The following HACE1 variants were observed in gnomAD, a reference collection of about 807,000 sequenced individuals.
HACE1 encodes E3 ubiquitin-protein ligase HACE1.
A neutral mutation model predicts 118.4 loss-of-function variants in HACE1; 73 were observed. The ratio of observed to expected loss-of-function variants is 0.62; its 90% CI spans 0.51 to 0.75. The LOEUF (loss-of-function observed/expected upper bound fraction) is 0.75, where lower values mean the gene tolerates loss of function less well. HACE1 is among the 30% of genes least tolerant of loss of function. The pLI, the probability that HACE1 is intolerant of heterozygous loss-of-function variation, is 0.00. For synonymous variants in HACE1, 368 were observed against 374.8 expected (o/e 0.98, Z 0.21); for missense variants, 749 against 1,102.2 (o/e 0.68, Z 4.54).
chr6:104,797,347 C>T lies in HACE1; in HGVS notation c.618-322G>A, dbSNP rs140648577. Among the ~76,000 whole-genome samples the T allele has an allele frequency of 4.1e-3, 624 of 151,022 alleles. 5 individuals carry two copies. The highest frequency in any genetic ancestry group is 5.8e-3 in the Non-Finnish European group (391 of 67,840). ...TTCTTACATTCACTTCCTAATCCCT[C>T]TCTCCACCTTAACTTGACCATTTGC... is the stretch of plus-strand genomic sequence containing the variant. On this transcript the variant is annotated intron_variant, in intron 7 of 23. Transcript: ENST00000262903.
At chr6:104,801,880 G>A (rs1031730195) in intron 7 of HACE1, among the ~76,000 whole-genome samples, 1 of 152,052 alleles carries the variant, frequency 6.6e-6, no homozygotes, top group African/African-American at 2.4e-5. Flanking sequence ...ATGTAAATGG[G>A]CTAAATGCCC....
At chr6:104,844,899 G>C (rs1233378754) in intron 4 of HACE1, among the ~76,000 whole-genome samples, 1 of 149,604 alleles carries the variant, frequency 6.7e-6, no homozygotes, top group Non-Finnish European at 1.5e-5. Context: ...CCTGATCTCA[G>C]GCAATCCGCC....
chr6:104,785,567 G>A, intron 11 of HACE1: 2 of 398,076 alleles, frequency 5.0e-6, no homozygotes, highest in Non-Finnish European at 9.1e-6. Flanking sequence ...GTAATAAAAA[G>A]GAAAAACTAA....
At position 104,771,845 on chromosome 6, in the gene HACE1, C is replaced by T. The variant is rs148042139; in HGVS notation, c.2014+80G>A. 7.1e-5 allele frequency: 68 copies of T among 962,172 alleles called. No individual in the cohort carries two copies. In the East Asian group the frequency reaches 1.7e-3, roughly 24 times the overall value. The allele number at this position is 962,172 out of a possible 1,614,324, so 59.6% of individuals were successfully genotyped here. On this transcript the variant is annotated intron_variant, in intron 18 of 23. Coordinates refer to ENST00000262903, the MANE Select transcript of HACE1 (RefSeq NM_020771.4). Reference sequence around the variant, plus strand: ...AATAAAAATTATCTCATCCAAAATACTACTGCTTATCTAGTTTTCCTCAAA... The same window carrying T: ...AATAAAAATTATCTCATCCAAAATATTACTGCTTATCTAGTTTTCCTCAAA...
At position 104,791,377 on chromosome 6, in the gene HACE1, T is replaced by G. The variant is rs973748155; in HGVS notation, c.1074+127A>C. ...GAGAGGAGAAAGGTGTGCCTAATTTTGAAAGTGATATGGGTATAAACCAAA... is the reference window on the plus strand; with the variant it reads ...GAGAGGAGAAAGGTGTGCCTAATTTGGAAAGTGATATGGGTATAAACCAAA... On this transcript the variant is annotated intron_variant, in intron 11 of 23. Coordinates refer to ENST00000262903, the MANE Select transcript of HACE1 (RefSeq NM_020771.4). 3.8e-6 allele frequency: 3 copies of G among 798,432 alleles called. No homozygotes were observed. In the East Asian group the frequency reaches 7.4e-5, roughly 20 times the overall value. 49.5% of individuals were successfully genotyped at this position (798,432 alleles called of 1,614,324 possible). A position where few individuals can be genotyped will look rare whatever the true frequency, so the allele number is the denominator to read the frequency against.
At chr6:104,796,836 T>C (rs1055714932) in intron 8 of HACE1, 80 bp from the exon 9 acceptor site, 12 of 1,081,860 alleles carry the variant, frequency 1.1e-5, no homozygotes, top group Non-Finnish European at 1.7e-5. Flanking sequence ...TAAAAATCTT[T>C]GCACCTACCC....
Position 104,774,080 on chromosome 6 carries a change from C to CTTT in HACE1, c.1865-2009_1865-2007dup, listed in dbSNP as rs540039211. Among the ~76,000 whole-genome samples, 31 of 74,854 alleles carry CTTT rather than the reference C, an allele frequency of 4.1e-4. 1 individual carries two copies. The highest frequency in any genetic ancestry group is 6.2e-4 in the Non-Finnish European group (27 of 43,324). 49.1% of individuals were successfully genotyped at this position (74,854 alleles called of 152,430 possible). A position where few individuals can be genotyped will look rare whatever the true frequency, so the allele number is the denominator to read the frequency against. Reference sequence around the variant, plus strand: ...CAAAAAATAGGTTATCATCTTTTCTCTTTTTTTTTTTTTTTTTTTTTTTTT... The same window carrying CTTT: ...CAAAAAATAGGTTATCATCTTTTCTCTTTTTTTTTTTTTTTTTTTTTTTTTTTT... On this transcript the variant is annotated intron_variant, in intron 17 of 23. Coordinates refer to ENST00000262903, the MANE Select transcript of HACE1 (RefSeq NM_020771.4).
chr6:104,734,530 T>G (rs1167471540), intron 22 of HACE1, among the ~76,000 whole-genome samples: 1 of 152,216 alleles, frequency 6.6e-6, no homozygotes, highest in Non-Finnish European at 1.5e-5. Flanking sequence ...TAAAACTTTC[T>G]CAGTTTGAAC....
In HACE1 at chr6:104,759,435, G is replaced by A. The variant is rs146627302; in HGVS notation, c.2212-8963C>T. 2.6e-3 allele frequency among the ~76,000 whole-genome samples: 396 copies of A among 152,242 alleles called. 2 individuals are homozygous for A. Among genetic ancestry groups the A allele is most frequent in the Non-Finnish European group, 4.0e-3 (271 of 68,020 alleles). On this transcript the variant is annotated intron_variant, in intron 19 of 23. Transcript: ENST00000262903. ...CAACTAAATGGAAACTGAACAACGCGCTCCTGAATGACTACAGGGTAAATA... is the reference window on the plus strand; with the variant it reads ...CAACTAAATGGAAACTGAACAACGCACTCCTGAATGACTACAGGGTAAATA...
chr6:104,732,546 G>A (rs1474233349), intron 22 of HACE1, among the ~76,000 whole-genome samples: 3 of 152,262 alleles, frequency 2.0e-5, no homozygotes, highest in African/African-American at 7.2e-5. Flanking sequence ...TGGGAAAGGA[G>A]GAGGGGGAGT....
chr6:104,737,520 C>T (rs1158886210), intron 22 of HACE1, among the ~76,000 whole-genome samples: 11 of 152,084 alleles, frequency 7.2e-5, no homozygotes, highest in South Asian at 2.1e-4. Context: ...ACTTGGGAAG[C>T]GCAAGGGGTC....
intron 19 of HACE1, among the ~76,000 whole-genome samples, chr6:104,765,676 A>G (rs1213305526): frequency 6.6e-6 from 1 of 151,978 alleles, no homozygotes; most frequent in Non-Finnish European, 1.5e-5. Context: ...GTTCCCTTCA[A>G]TTTTCACTTC....
intron 3 of HACE1, among the ~76,000 whole-genome samples, chr6:104,850,107 G>A (rs1489072767): frequency 2.0e-5 from 3 of 151,752 alleles, no homozygotes; most frequent in East Asian, 3.9e-4. Context: ...ACGCCATCAC[G>A]CCGAGCTGAT....
At position 104,747,516 on chromosome 6, in the gene HACE1, G is replaced by A. The variant is rs185359534; in HGVS notation, c.2343+2825C>T. ...AAGTTTCCTTTCTCAGTGCAGCATA[G>A]CCCTCCCCTATGAAAGACACAAAGT... On this transcript the variant is annotated intron_variant, in intron 20 of 23. Transcript: ENST00000262903. 1.1e-4 allele frequency among the ~76,000 whole-genome samples: 16 copies of A among 151,960 alleles called. No individual in the cohort carries two copies. In the East Asian group the frequency reaches 3.1e-3, roughly 30 times the overall value.
At chr6:104,857,696 C>T (rs1776866446) in intron 1 of HACE1, among the ~76,000 whole-genome samples, 1 of 151,380 alleles carries the variant, frequency 6.6e-6, no homozygotes, top group South Asian at 2.1e-4. Flanking sequence ...TGGCTCACGC[C>T]TGTAATCCCC....
intron 20 of HACE1, among the ~76,000 whole-genome samples, chr6:104,749,234 A>G (rs180965091): frequency 6.6e-6 from 1 of 152,270 alleles, no homozygotes; most frequent in African/African-American, 2.4e-5. Context: ...GTCTAATAAT[A>G]TAATAGCTCA....
intron 20 of HACE1, among the ~76,000 whole-genome samples, chr6:104,748,038 G>T (rs1582643812): frequency 6.6e-6 from 1 of 151,736 alleles, no homozygotes; most frequent in East Asian, 1.9e-4. Flanking sequence ...CACAGCCTTG[G>T]AGTAAGAAAC....
intron 22 of HACE1, among the ~76,000 whole-genome samples, chr6:104,738,461 A>G (rs1448243227): frequency 1.3e-5 from 2 of 149,252 alleles, no homozygotes; most frequent in Non-Finnish European, 3.0e-5. Flanking sequence ...ACCAATACAG[A>G]GAAGTGCTTA....
Position 104,795,690 on chromosome 6 carries a change from A to AT in HACE1, c.817-6dup. The AT allele has an allele frequency of 6.4e-7, 1 of 1,555,716 alleles. No homozygotes were observed. The highest frequency in any genetic ancestry group is 1.1e-5 in the South Asian group (1 of 89,872). On this transcript the variant is annotated splice_region_variant and splice_polypyrimidine_tract_variant and intron_variant, in intron 9 of 23. Coordinates refer to ENST00000262903, the MANE Select transcript of HACE1 (RefSeq NM_020771.4). ...ATGCTCCAGAACTTGCCGTAACTAA[A>AT]TTTTTTACAAATAAAAAAATGTGAT...
Sources: gnomAD v4.1 joint callset for allele counts (sites outside exome capture counted in the v4.1 genomes callset) on GRCh38, gnomAD v4.1.1 for gene constraint, MANE v1.5 for transcripts, NCBI Gene and HGNC (gene_info 2026-07-23, HGNC 2026-07-21) for gene names.